The following HDAC1 variants were observed in gnomAD, a reference collection of about 807,000 sequenced individuals.
The protein encoded by HDAC1 is protein deacetylase HDAC1.
Under a neutral mutation model 65.5 loss-of-function variants are expected in HDAC1, and 18 were observed. That is an observed-to-expected ratio of 0.27 (90% CI 0.19 to 0.41). The LOEUF (loss-of-function observed/expected upper bound fraction) is 0.41, where lower values mean the gene tolerates loss of function less well. Ranked by LOEUF, HDAC1 falls within the 10% of genes least tolerant of loss-of-function variation. HDAC1 has a pLI of 1.00. For synonymous variants in HDAC1, 211 were observed against 227.9 expected (o/e 0.93, Z 0.67); for missense variants, 373 against 625.2 (o/e 0.60, Z 4.30).
At chr1:32,299,983 T>C (rs1640823817) in intron 1 of HDAC1, among the ~76,000 whole-genome samples, 1 of 151,238 alleles carries the variant, frequency 6.6e-6, no homozygotes, top group Non-Finnish European at 1.5e-5. Context: ...GCGTGAACCC[T>C]GGAGGCGGAG....
intron 1 of HDAC1, among the ~76,000 whole-genome samples, chr1:32,297,858 C>G (rs1401911739): frequency 7.1e-6 from 1 of 140,512 alleles, no homozygotes; most frequent in South Asian, 2.2e-4. Flanking sequence ...GGCGCGATCT[C>G]GGCTCACTGC....
chr1:32,298,848 C>T (rs914246687), intron 1 of HDAC1, among the ~76,000 whole-genome samples: 1 of 151,778 alleles, frequency 6.6e-6, no homozygotes, highest in African/African-American at 2.4e-5. Context: ...AAATACAAAA[C>T]TTAGCCAGGC....
intron 13 of HDAC1, 71 bp downstream of exon 13, chr1:32,332,820 G>A (rs1641315339): frequency 7.2e-7 from 1 of 1,381,306 alleles, no homozygotes; most frequent in Non-Finnish European, 1.0e-6. Flanking sequence ...ACCACTCTGA[G>A]GAAAGGCACA....
chr1:32,327,200 G>C lies in HDAC1; in HGVS notation c.494+123G>C. ...CGATGTGCTGGCTAGGATGTGCTCG[G>C]TGAGTGTCTCTGGCCATCATCTCCT... is the stretch of plus-strand genomic sequence containing the variant. On this transcript the variant is annotated intron_variant, in intron 5 of 13. Transcript: ENST00000373548. The surrounding 1 kb of genome is among the most constrained non-coding windows in gnomAD (Gnocchi z 6.0). 1 of 950,456 alleles carries C rather than the reference G, an allele frequency of 1.1e-6. No individual in the cohort carries two copies. The allele number at this position is 950,456 out of a possible 1,614,324, so 58.9% of individuals were successfully genotyped here.
chr1:32,328,500 TAA>T (rs1482323138), intron 6 of HDAC1, among the ~76,000 whole-genome samples: 1 of 152,194 alleles, frequency 6.6e-6, no homozygotes, highest in Admixed American at 6.5e-5. Context: ...TTTGTATTTT[TAA>T]AAGAGATGGG....
chr1:32,324,572 C>T lies in HDAC1; in HGVS notation c.355+19C>T, dbSNP rs1379555241. The T allele has an allele frequency of 1.3e-6, 2 of 1,549,860 alleles. No individual in the cohort carries two copies. Among genetic ancestry groups the T allele is most frequent in the Admixed American group, 3.3e-5 (2 of 59,934 alleles). On this transcript the variant is annotated intron_variant, in intron 4 of 13. Transcript: ENST00000373548. ...TCTGTGGGTAAGGAATATTCATCTT[C>T]TCCCCAGGGGTAGACTGGGTTGTTC...
At chr1:32,322,831 C>T (rs1288598582) in intron 3 of HDAC1, among the ~76,000 whole-genome samples, 1 of 152,174 alleles carries the variant, frequency 6.6e-6, no homozygotes, top group African/African-American at 2.4e-5. Context: ...GGTTCTGCTA[C>T]TGCCTGGTTT....
intron 1 of HDAC1, among the ~76,000 whole-genome samples, chr1:32,296,253 G>A (rs1403281086): frequency 2.0e-5 from 3 of 152,220 alleles, no homozygotes; most frequent in Non-Finnish European, 4.4e-5. Context: ...AAAGTACTGG[G>A]TTGCAGAAGC....
chr1:32,322,983 C>T lies in HDAC1; in HGVS notation c.281-1496C>T, dbSNP rs111674564. Among the ~76,000 whole-genome samples the T allele has an allele frequency of 1.4e-4, 22 of 152,112 alleles. No individual in the cohort carries two copies. The South Asian group carries it at 2.3e-3, about 16-fold the overall frequency. ...TATGTGAAAGGACTTGGAAAAGGGC[C>T]GGGATATATTTTCACAGGCTTTTAA... On this transcript the variant is annotated intron_variant, in intron 3 of 13. Transcript: ENST00000373548.
At chr1:32,321,424 G>C (rs531551157) in intron 3 of HDAC1, among the ~76,000 whole-genome samples, 1 of 146,102 alleles carries the variant, frequency 6.8e-6, no homozygotes, top group East Asian at 2.0e-4. Flanking sequence ...CTATCCTGAG[G>C]TTAGTGTTTA....
intron 2 of HDAC1, among the ~76,000 whole-genome samples, chr1:32,309,817 C>G (rs2148061727): frequency 6.6e-6 from 1 of 152,196 alleles, no homozygotes; most frequent in East Asian, 1.9e-4. Flanking sequence ...GCCTCAGCCT[C>G]CCAAGTAGTT....
intron 1 of HDAC1, among the ~76,000 whole-genome samples, chr1:32,293,675 G>A (rs1249748272): frequency 5.3e-5 from 8 of 152,172 alleles, no homozygotes; most frequent in South Asian, 2.1e-4. Context: ...AGGCTGAGGC[G>A]GGCGGATCAT....
intron 12 of HDAC1, 35 bp from the exon 13 acceptor site, chr1:32,332,666 C>G: frequency 6.6e-7 from 1 of 1,525,758 alleles, no homozygotes; most frequent in East Asian, 2.4e-5. Flanking sequence ...CCCAGAGGTG[C>G]TGCCCTTGGC....
chr1:32,294,823 T>C (rs569919793), intron 1 of HDAC1, among the ~76,000 whole-genome samples: 9 of 151,668 alleles, frequency 5.9e-5, no homozygotes, highest in Admixed American at 1.3e-4. Context: ...CCCAACTTTT[T>C]TTTTTTTTTT....
Position 32,329,195 on chromosome 1 carries a change from A to G in HDAC1, c.729+35A>G. 2 of 1,312,370 alleles carry G rather than the reference A, an allele frequency of 1.5e-6. No individual in the cohort carries two copies. Among genetic ancestry groups the G allele is most frequent in the South Asian group, 1.2e-5 (1 of 85,048 alleles). The allele number at this position is 1,312,370 out of a possible 1,614,324, so 81.3% of individuals were successfully genotyped here. On this transcript the variant is annotated intron_variant, in intron 7 of 13. Transcript: ENST00000373548. This position sits in a 1 kb window ranked among gnomAD's most constrained non-coding sequence, Gnocchi z 4.1. The stretch of plus-strand genomic sequence containing the variant: ...TTTATCCACCCCTTGGGCTACAAAC[A>G]GGGGATTGGTTGGCGGTGGAGGGGA...
Position 32,327,899 on chromosome 1 carries a change from A to G in HDAC1, c.636+222A>G. On this transcript the variant is annotated intron_variant, in intron 6 of 13. Coordinates refer to ENST00000373548, the MANE Select transcript of HDAC1 (RefSeq NM_004964.3). The surrounding 1 kb of genome is among the most constrained non-coding windows in gnomAD (Gnocchi z 6.0). ...AGAAAGAAGAGGGGTCTCCTGACTC[A>G]CTGTACTTTCCTCCTGGCCACAGCT... 1.7e-6 allele frequency: 1 copy of G among 593,842 alleles called. No individual in the cohort carries two copies. The highest frequency in any genetic ancestry group is 3.1e-4 in the Middle Eastern group (1 of 3,260). The allele number at this position is 593,842 out of a possible 1,614,324, so 36.8% of individuals were successfully genotyped here. A position where few individuals can be genotyped will look rare whatever the true frequency, so the allele number is the denominator to read the frequency against.
intron 1 of HDAC1, among the ~76,000 whole-genome samples, chr1:32,294,573 G>A (rs1182860317): frequency 6.8e-6 from 1 of 147,212 alleles, no homozygotes; most frequent in Admixed American, 6.8e-5. Context: ...GTGCAGTGGC[G>A]CAATCTCGGC....
intron 1 of HDAC1, among the ~76,000 whole-genome samples, chr1:32,301,403 G>T (rs1368050742): frequency 6.7e-6 from 1 of 148,698 alleles, no homozygotes; most frequent in Non-Finnish European, 1.5e-5. Flanking sequence ...CTGAGATCGC[G>T]CCACTGCACT....
At chr1:32,300,611 C>T (rs1640835229) in intron 1 of HDAC1, among the ~76,000 whole-genome samples, 1 of 151,624 alleles carries the variant, frequency 6.6e-6, no homozygotes, top group African/African-American at 2.4e-5. Flanking sequence ...ATACAAATTG[C>T]ATGTAGAGGA....
Sources: allele counts gnomAD v4.1 joint callset (sites outside exome capture counted in the v4.1 genomes callset), GRCh38; gene constraint gnomAD v4.1.1; non-coding constraint Gnocchi (gnomAD v3.1); transcripts MANE v1.5; gene names NCBI Gene and HGNC (gene_info 2026-07-23, HGNC 2026-07-21).